HSPH1: variants seen among roughly 807,000 people sequenced by gnomAD.
The protein encoded by HSPH1 is heat shock protein 105 kDa.
HSPH1 carries 40 observed loss-of-function variants against 100.0 expected under a neutral mutation model. The observed-to-expected ratio is 0.40, with a 90% confidence interval of 0.31 to 0.52. The LOEUF (loss-of-function observed/expected upper bound fraction) is 0.52. Among genes scored for constraint, HSPH1 ranks in the 20% least tolerant of loss-of-function variants. HSPH1 has a pLI of 0.54. For missense variants in HSPH1, 876 were observed against 1,015.1 expected (o/e 0.86, Z 1.86); for synonymous variants, 403 against 344.0 (o/e 1.17, Z -1.90).
intron 12 of HSPH1, among the ~76,000 whole-genome samples, chr13:31,142,817 C>T (rs549124914): frequency 1.3e-5 from 2 of 152,176 alleles, no homozygotes; most frequent in South Asian, 4.1e-4. Flanking sequence ...TGTGTATGCT[C>T]ATCCCAAGTC....
intron 2 of HSPH1, among the ~76,000 whole-genome samples, chr13:31,156,430 A>T (rs895159434): frequency 5.9e-5 from 9 of 151,932 alleles, no homozygotes; most frequent in African/African-American, 2.2e-4. Flanking sequence ...TGGGCATGGC[A>T]GCACATGCCT....
At chr13:31,145,793 C>G (rs1325245674) in intron 10 of HSPH1, 25 bp from the exon 11 acceptor site, 1 of 1,601,164 alleles carries the variant, frequency 6.2e-7, no homozygotes, top group Non-Finnish European at 8.6e-7. Flanking sequence ...ACAAAAATCA[C>G]AAAATCACAA....
chr13:31,161,680 T>C lies in HSPH1; in HGVS notation c.-98A>G, dbSNP rs1437609785. ...GCCGCTTTCTGCCCTGGCCGCGTTC[T>C]GCTCCGGCCCGCGGGGTCTGGCCGT... On this transcript the variant is annotated 5_prime_UTR_variant, in exon 1 of 18. Transcript: ENST00000320027. The C allele has an allele frequency of 1.3e-6, 2 of 1,558,936 alleles. No individual in the cohort carries two copies. The highest frequency in any genetic ancestry group is 1.9e-5 in the Admixed American group (1 of 53,416).
chr13:31,146,661 G>A lies in HSPH1; in HGVS notation c.1379-893C>T, dbSNP rs1013627371. On this transcript the variant is annotated intron_variant, in intron 10 of 17. Coordinates refer to ENST00000320027, the MANE Select transcript of HSPH1 (RefSeq NM_006644.4). ...GTGGGGTTCCAGAACATTACTAATG[G>A]TTAAAAGTGTAGACTTTAATCCAGA... is the stretch of plus-strand genomic sequence containing the variant. Among the ~76,000 whole-genome samples the A allele has an allele frequency of 2.6e-5, 4 of 152,128 alleles. 1 individual carries two copies. The highest frequency in any genetic ancestry group is 4.8e-5 in the African/African-American group (2 of 41,424).
At chr13:31,161,072 G>C (rs1593221848) in intron 1 of HSPH1, among the ~76,000 whole-genome samples, 3 of 152,238 alleles carry the variant, frequency 2.0e-5, no homozygotes, top group African/African-American at 7.2e-5. Context: ...GGCTCAGCCA[G>C]CTCAGAGAGG....
rs892393949 is a variant in HSPH1 at position 31,137,256 on chromosome 13, A to T, written c.*62T>A. On this transcript the variant is annotated 3_prime_UTR_variant, in exon 18 of 18. Coordinates refer to ENST00000320027, the MANE Select transcript of HSPH1 (RefSeq NM_006644.4). ...TATAAATAGTTTCAGTATGTTATGT[A>T]GAGTCACATACTATGGCAAAAATAT... The T allele has an allele frequency of 7.6e-5, 71 of 932,024 alleles. No individual in the cohort carries two copies. Among genetic ancestry groups the T allele is most frequent in the Non-Finnish European group, 1.1e-4 (65 of 585,168 alleles). The allele number at this position is 932,024 out of a possible 1,614,324, so 57.7% of individuals were successfully genotyped here.
chr13:31,152,987 C>T (rs370790568), intron 4 of HSPH1, 36 bp from the exon 5 acceptor site: 10 of 1,344,644 alleles, frequency 7.4e-6, no homozygotes, highest in Non-Finnish European at 1.1e-6. Flanking sequence ...TTATCTAGAA[C>T]ACAAAATATA....
At chr13:31,146,629 C>T (rs2137577308) in intron 10 of HSPH1, among the ~76,000 whole-genome samples, 1 of 152,246 alleles carries the variant, frequency 6.6e-6, no homozygotes, top group South Asian at 2.1e-4. Flanking sequence ...TTATTATGTA[C>T]AATACAGTGG....
In HSPH1 at chr13:31,137,158, A is replaced by C. The variant is rs1328159280; in HGVS notation, c.*160T>G. 1 of 729,910 alleles carries C rather than the reference A, an allele frequency of 1.4e-6. No individual in the cohort carries two copies. Among genetic ancestry groups the C allele is most frequent in the African/African-American group, 1.8e-5 (1 of 56,408 alleles). 45.2% of individuals were successfully genotyped at this position (729,910 alleles called of 1,614,324 possible). On this transcript the variant is annotated 3_prime_UTR_variant, in exon 18 of 18. Transcript: ENST00000320027. The stretch of plus-strand genomic sequence containing the variant: ...GCAATTTTCCCTTTTAGGATCATAA[A>C]GACTACAGACTTAAGCTTTTTTTCT...
Position 31,154,665 on chromosome 13 carries a change from G to A in HSPH1, c.397C>T (p.Leu133Phe). Residue 133 changes from leucine (L) to phenylalanine (F), a missense_variant, in exon 4 of 18, where the codon CTC becomes TTC. By Grantham distance (22) the Leu-to-Phe change is conservative. Coordinates refer to ENST00000320027, the MANE Select transcript of HSPH1 (RefSeq NM_006644.4). ...TKLKETAENS[L>F]KKPVTDCVIS... ...ACACAATCTGTTACTGGTTTCTTGA[G>A]GCTGTTTTCAGCAGTTTCCTTCAGC... is the stretch of plus-strand genomic sequence containing the variant. 1 of 1,614,078 alleles carries A rather than the reference G, an allele frequency of 6.2e-7. No individual in the cohort carries two copies. Among genetic ancestry groups the A allele is most frequent in the South Asian group, 1.1e-5 (1 of 91,082 alleles).
At position 31,137,549 on chromosome 13, in the gene HSPH1, C is replaced by G. The variant is rs761948544; in HGVS notation, c.2371-25G>C. The G allele has an allele frequency of 2.6e-6, 4 of 1,538,156 alleles. No individual in the cohort carries two copies. In the Admixed American group the frequency reaches 7.0e-5, roughly 27 times the overall value. ...CCTAAAGAAAACAAAAACTAGTTATCAGATTAACTCAGATCCATCCAGTTC... is the reference window on the plus strand; with the variant it reads ...CCTAAAGAAAACAAAAACTAGTTATGAGATTAACTCAGATCCATCCAGTTC... On this transcript the variant is annotated intron_variant, in intron 17 of 17. Coordinates refer to ENST00000320027, the MANE Select transcript of HSPH1 (RefSeq NM_006644.4).
chr13:31,150,301 G>A, intron 7 of HSPH1, 119 bp from the exon 8 acceptor site: 1 of 667,770 alleles, frequency 1.5e-6, no homozygotes, highest in Non-Finnish European at 2.6e-6. Flanking sequence ...CATGGGCCAA[G>A]TTTAGCTGTA....
intron 5 of HSPH1, chr13:31,151,954 T>C: frequency 3.9e-6 from 2 of 516,846 alleles, no homozygotes; most frequent in Non-Finnish European, 6.8e-6. Context: ...CTATCACTTT[T>C]CAATATATGG....
intron 3 of HSPH1, among the ~76,000 whole-genome samples, chr13:31,155,074 AC>A (rs775415765): frequency 2.1e-4 from 32 of 152,208 alleles, no homozygotes; most frequent in Non-Finnish European, 3.5e-4. Context: ...TTCCACTCTA[AC>A]TGAAGAGATG....
At position 31,161,741 on chromosome 13, in the gene HSPH1, G is replaced by A; in HGVS notation, c.-159C>T. On this transcript the variant is annotated 5_prime_UTR_variant, in exon 1 of 18. Coordinates refer to ENST00000320027, the MANE Select transcript of HSPH1 (RefSeq NM_006644.4). ...CTCAGAAGGACACACAGACAGCCGC[G>A]GCCTGTCAGGAGCCTCCTACTCCCC... 6.5e-7 allele frequency: 1 copy of A among 1,531,982 alleles called. No individual in the cohort carries two copies. The highest frequency in any genetic ancestry group is 8.7e-7 in the Non-Finnish European group (1 of 1,144,560). The allele number at this position is 1,531,982 out of a possible 1,614,324, so 94.9% of individuals were successfully genotyped here.
upstream of HSPH1, chr13:31,162,076 G>A (rs1956946171): frequency 5.9e-6 from 9 of 1,536,024 alleles, no homozygotes; most frequent in South Asian, 5.9e-5. Context: ...GGTCCCCGGA[G>A]AACGGCCGCC....
At position 31,152,953 on chromosome 13, in the gene HSPH1, T is replaced by TAAAA; in HGVS notation, c.430-3_430-2insTTTT. 6.2e-7 allele frequency: 1 copy of TAAAA among 1,603,934 alleles called. No individual in the cohort carries two copies. Among genetic ancestry groups the TAAAA allele is most frequent in the South Asian group, 1.1e-5 (1 of 90,738 alleles). ...AGCATCTGTAAAGAAGGAGGGGACC[T>TAAAA]ACAAACAAACAAAAAATTTTGAATT... On this transcript the variant is annotated splice_region_variant and splice_polypyrimidine_tract_variant and intron_variant, in intron 4 of 17. Coordinates refer to ENST00000320027, the MANE Select transcript of HSPH1 (RefSeq NM_006644.4).
intron 17 of HSPH1, among the ~76,000 whole-genome samples, chr13:31,138,080 G>C (rs1007017469): frequency 6.6e-6 from 1 of 151,990 alleles, no homozygotes; most frequent in Admixed American, 6.6e-5. Context: ...CTTGTTTACT[G>C]TTGGTCTCCC....
At position 31,138,508 on chromosome 13, in the gene HSPH1, C is replaced by T; in HGVS notation, c.2269G>A (p.Glu757Lys). The T allele has an allele frequency of 6.2e-7, 1 of 1,613,056 alleles. No homozygotes were observed. The highest frequency in any genetic ancestry group is 2.2e-5 in the East Asian group (1 of 44,862). Residue 757 changes from glutamate (E) to lysine (K), a missense_variant, in exon 17 of 18, where the codon GAA becomes AAA. Transcript: ENST00000320027. ...ACATTATTCATCCATTCCATCACTT[C>T]ATTAACAGACTTCTCCACTTTTTTC... ...EMKKVEKSVNEVMEWMNNVMN... is the reference protein window; with the variant it reads ...EMKKVEKSVNKVMEWMNNVMN...
Sources: gnomAD v4.1 joint callset for allele counts (sites outside exome capture counted in the v4.1 genomes callset) on GRCh38, gnomAD v4.1.1 for gene constraint, MANE v1.5 for transcripts, NCBI Gene and HGNC (gene_info 2026-07-23, HGNC 2026-07-21) for gene names.